PIK3C2G: variants seen among roughly 807,000 people sequenced by gnomAD.
The protein encoded by PIK3C2G is phosphatidylinositol-4-phosphate 3-kinase catalytic subunit type 2 gamma.
A neutral mutation model predicts 181.1 loss-of-function variants in PIK3C2G; 168 were observed. The ratio of observed to expected loss-of-function variants is 0.93; its 90% CI spans 0.82 to 1.05. The LOEUF is 1.05. PIK3C2G is among the 50% of genes least tolerant of loss of function. The pLI is 0.00. For synonymous variants in PIK3C2G, 573 were observed against 592.2 expected (o/e 0.97, Z 0.47); for missense variants, 1,869 against 1,732.8 (o/e 1.08, Z -1.40).
At chr12:18,468,550 G>A (rs1175526908) in intron 18 of PIK3C2G, among the ~76,000 whole-genome samples, 5 of 152,026 alleles carry the variant, frequency 3.3e-5, no homozygotes, top group African/African-American at 1.2e-4. Context: ...TGATCTGACT[G>A]ACACAGTTTC....
chr12:18,355,298 C>T (rs559998032), intron 11 of PIK3C2G, among the ~76,000 whole-genome samples: 2 of 152,356 alleles, frequency 1.3e-5, no homozygotes, highest in Admixed American at 1.3e-4. Flanking sequence ...GCAGGGCTCA[C>T]TCTTCTGTTG....
the PIK3C2G span, chr12:18,696,177 C>G: frequency 1.9e-6 from 3 of 1,578,514 alleles, no homozygotes; most frequent in Non-Finnish European, 1.7e-6. Context: ...TTCCAAAATT[C>G]TTGGGGATTA....
chr12:18,352,308 C>T (rs557467078), intron 11 of PIK3C2G, among the ~76,000 whole-genome samples: 20 of 152,326 alleles, frequency 1.3e-4, no homozygotes, highest in African/African-American at 4.1e-4. Context: ...TAACTGGTTA[C>T]TAGAGTTGAT....
At chr12:18,557,993 G>A (rs115208915) in intron 26 of PIK3C2G, among the ~76,000 whole-genome samples, 1,875 of 152,202 alleles carry the variant, frequency 0.012, 17 homozygotes, top group African/African-American at 0.03. Context: ...GTGTGTGGGT[G>A]AACTTGATAA....
chr12:18,723,500 ATTC>A, the PIK3C2G span: 1 of 1,612,820 alleles, frequency 6.2e-7, no homozygotes, highest in Admixed American at 1.7e-5. Context: ...ATTGCTCTAA[ATTC>A]TTCTATGGTG....
At chr12:18,375,224 G>A (rs1489949860) in intron 13 of PIK3C2G, among the ~76,000 whole-genome samples, 2 of 152,196 alleles carry the variant, frequency 1.3e-5, no homozygotes, top group African/African-American at 2.4e-5. Context: ...AATGCTGATA[G>A]TGATATAGAC....
At chr12:18,722,227 T>C in the PIK3C2G span, among the ~76,000 whole-genome samples, 4 of 151,740 alleles carry the variant, frequency 2.6e-5, no homozygotes, top group Non-Finnish European at 5.9e-5. Context: ...TCTTGCTCTA[T>C]GTTTCCGTAT....
At chr12:18,406,094 T>C (rs56086120) in intron 16 of PIK3C2G, among the ~76,000 whole-genome samples, 16,390 of 152,148 alleles carry the variant, frequency 0.11, 1,196 homozygotes, top group Admixed American at 0.25. Context: ...TGACACTGAC[T>C]TTTTCAGATT....
At chr12:18,259,723 TAGAC>T (rs531586226), upstream of PIK3C2G, among the ~76,000 whole-genome samples, 17 of 149,740 alleles carry the variant, frequency 1.1e-4, no homozygotes, top group Admixed American at 3.4e-4. Context: ...GTTAACATAA[TAGAC>T]AGGAAATCAA....
At chr12:18,681,947 G>C in the PIK3C2G span, among the ~76,000 whole-genome samples, 1 of 151,996 alleles carries the variant, frequency 6.6e-6, no homozygotes, top group Non-Finnish European at 1.5e-5. Context: ...ATTAGGGAAG[G>C]GTAAAGCGTT....
intron 24 of PIK3C2G, among the ~76,000 whole-genome samples, chr12:18,533,941 CTTTTTTTTTTT>C (rs542327503): frequency 0.01 from 947 of 91,526 alleles, 20 homozygotes; most frequent in African/African-American, 0.039. Flanking sequence ...CCTGCTATTT[CTTTTTTTTTTT>C]TTTTTTTTTT....
At chr12:18,344,718 T>C (rs1348236435) in intron 10 of PIK3C2G, among the ~76,000 whole-genome samples, 1 of 152,160 alleles carries the variant, frequency 6.6e-6, no homozygotes, top group Non-Finnish European at 1.5e-5. Context: ...TGAGTCTAAA[T>C]TGCACATAGA....
At chr12:18,469,291 T>C (rs1380370843) in intron 18 of PIK3C2G, among the ~76,000 whole-genome samples, 1 of 152,126 alleles carries the variant, frequency 6.6e-6, no homozygotes, top group African/African-American at 2.4e-5. Context: ...AAGCAGTTTA[T>C]AGCTTCTTTG....
chr12:18,584,596 A>G (rs1946678044), intron 29 of PIK3C2G, among the ~76,000 whole-genome samples: 1 of 152,188 alleles, frequency 6.6e-6, no homozygotes, highest in Non-Finnish European at 1.5e-5. Context: ...ATCGGGAGAA[A>G]GCAAACAACT....
At chr12:18,418,802 A>C (rs1331193385) in intron 16 of PIK3C2G, among the ~76,000 whole-genome samples, 1 of 152,172 alleles carries the variant, frequency 6.6e-6, no homozygotes, top group Non-Finnish European at 1.5e-5. Flanking sequence ...TCAATGATGT[A>C]TATAATATAG....
Position 18,315,730 on chromosome 12 carries a change from G to A in PIK3C2G, c.1137+1666G>A, listed in dbSNP as rs564725194. ...CCAAGATTAAAATCATGAAACTGAC[G>A]AGCAGAGAAGTACAGATTTGAGCAC... is the stretch of plus-strand genomic sequence containing the variant. On this transcript the variant is annotated intron_variant, in intron 6 of 32. Transcript: ENST00000538779. Among the ~76,000 whole-genome samples, 21 of 152,226 alleles carry A rather than the reference G, an allele frequency of 1.4e-4. No individual in the cohort carries two copies. In the South Asian group the frequency reaches 2.5e-3, roughly 18 times the overall value.
chr12:18,248,576 A>AAACAACAAC (rs139110088), intron 1 of PIK3C2G, among the ~76,000 whole-genome samples: 9 of 151,294 alleles, frequency 5.9e-5, no homozygotes, highest in Non-Finnish European at 1.0e-4. Flanking sequence ...ATCTCAAACA[A>AAACAACAAC]AACAACAACA....
the PIK3C2G span, among the ~76,000 whole-genome samples, chr12:18,725,665 T>C: frequency 6.6e-6 from 1 of 152,252 alleles, no homozygotes; most frequent in African/African-American, 2.4e-5. Flanking sequence ...TCATGGATGA[T>C]TTCTGCTCTT....
intron 15 of PIK3C2G, among the ~76,000 whole-genome samples, chr12:18,394,517 A>G (rs73342919): frequency 1.2e-3 from 186 of 152,206 alleles, no homozygotes; most frequent in African/African-American, 4.4e-3. Flanking sequence ...AGAGTTTTAA[A>G]TTAGCAAATA....
Sources: gnomAD v4.1 joint callset for allele counts (sites outside exome capture counted in the v4.1 genomes callset) on GRCh38, gnomAD v4.1.1 for gene constraint, MANE v1.5 for transcripts, NCBI Gene and HGNC (gene_info 2026-07-23, HGNC 2026-07-21) for gene names.